Variants in MYH10 observed in about 807,000 individuals in gnomAD.
The protein encoded by MYH10 is myosin heavy chain 10.
In MYH10, 55 loss-of-function variants were observed where a neutral mutation model predicts 257.8. The ratio of observed to expected loss-of-function variants is 0.21; its 90% CI spans 0.17 to 0.27. The LOEUF (loss-of-function observed/expected upper bound fraction) is 0.27. MYH10 is among the 10% of genes least tolerant of loss of function. The probability of loss-of-function intolerance (pLI) is 1.00; values close to 1 mark genes in which losing one functional copy is unlikely to be tolerated. For synonymous variants in MYH10, 854 were observed against 921.7 expected, an observed-to-expected ratio of 0.93 and a Z score of 1.33; for missense variants, 1,631 against 2,500.6, an observed-to-expected ratio of 0.65 and a Z score of 7.42.
At chr17:8,525,276 T>C (rs2081804439) in intron 17 of MYH10, among the ~76,000 whole-genome samples, 1 of 152,210 alleles carries the variant, frequency 6.6e-6, no homozygotes, top group African/African-American at 2.4e-5. Flanking sequence ...CACTCCCTTC[T>C]CTAGGCTTCA....
chr17:8,603,666 C>G (rs2084692264), intron 3 of MYH10, among the ~76,000 whole-genome samples: 1 of 152,248 alleles, frequency 6.6e-6, no homozygotes, highest in South Asian at 2.1e-4. Context: ...TTAACAGAGA[C>G]AGAACCAAAA....
chr17:8,527,535 T>C (rs1307180944), intron 17 of MYH10, among the ~76,000 whole-genome samples: 1 of 152,182 alleles, frequency 6.6e-6, no homozygotes. Flanking sequence ...CTATCAGCTG[T>C]ACCTTGGGAC....
chr17:8,518,104 CGTGTGTGTGTGTGTGTGTGTGTGT>C (rs58352961), intron 21 of MYH10, among the ~76,000 whole-genome samples: 1 of 116,516 alleles, frequency 8.6e-6, no homozygotes, highest in Non-Finnish European at 1.7e-5. Context: ...CCCTTGGCCC[CGTGTGTGTGTGTGTGTGTGTGTGT>C]GTGTGTGTGT....
At chr17:8,559,043 C>T (rs2082899338) in intron 7 of MYH10, among the ~76,000 whole-genome samples, 2 of 152,128 alleles carry the variant, frequency 1.3e-5, no homozygotes, top group South Asian at 2.1e-4. Flanking sequence ...GAAAATCTTC[C>T]TACAGAATGA....
intron 4 of MYH10, among the ~76,000 whole-genome samples, chr17:8,578,603 T>C (rs1467157771): frequency 6.6e-6 from 1 of 152,202 alleles, no homozygotes; most frequent in Non-Finnish European, 1.5e-5. Context: ...TTGTTGTGAA[T>C]GAGGACAAAT....
At position 8,552,325 on chromosome 17, in the gene MYH10, G is replaced by A. The variant is rs933487171; in HGVS notation, c.821-181C>T. On this transcript the variant is annotated intron_variant, in intron 8 of 42. Coordinates refer to ENST00000360416, the MANE Select transcript of MYH10 (RefSeq NM_001256012.3). The surrounding 1 kb of genome is among the most constrained non-coding windows in gnomAD (Gnocchi z 4.8). The stretch of plus-strand genomic sequence containing the variant: ...CCATCTGTGAAAAAAGAAAATAGGT[G>A]CAACTTACGTTCCTCACTGATCTTC... Among the ~76,000 whole-genome samples the A allele has an allele frequency of 2.0e-5, 3 of 152,132 alleles. No homozygotes were observed. Among genetic ancestry groups the A allele is most frequent in the African/African-American group, 7.2e-5 (3 of 41,418 alleles).
chr17:8,493,961 A>G, intron 31 of MYH10, 76 bp from the exon 32 acceptor site: 2 of 1,489,476 alleles, frequency 1.3e-6, no homozygotes, highest in East Asian at 2.3e-5. Flanking sequence ...TAAAGAATTC[A>G]TGTCGTACAA....
intron 1 of MYH10, among the ~76,000 whole-genome samples, chr17:8,630,047 C>A (rs1255397598): frequency 2.6e-5 from 4 of 152,022 alleles, no homozygotes; most frequent in Admixed American, 1.3e-4. Flanking sequence ...ATGGTGAACC[C>A]CTCTGGTGCT....
chr17:8,480,112 G>C lies in MYH10; in HGVS notation c.5595C>G (p.Ala1865=). 1 of 1,613,964 alleles carries C rather than the reference G, an allele frequency of 6.2e-7. No individual in the cohort carries two copies. Among genetic ancestry groups the C allele is most frequent in the Non-Finnish European group, 8.5e-7 (1 of 1,179,942 alleles). Residue 1865 remains alanine (A), a splice_region_variant and synonymous_variant, in exon 40 of 43, where the codon GCC becomes GCG. Coordinates refer to ENST00000360416, the MANE Select transcript of MYH10 (RefSeq NM_001256012.3). ...TTACGGTAGCAAAAACCTCTTACTT[G>C]GCTTCCTGCTCAAGCTGCTCCTCCA... ...GQLEEQLEQE[A]KERAAANKLV...
In MYH10 at chr17:8,545,200, A is replaced by G. The variant is rs1252998669; in HGVS notation, c.1431+248T>C. Among the ~76,000 whole-genome samples the G allele has an allele frequency of 1.3e-5, 2 of 152,224 alleles. No individual in the cohort carries two copies. Among genetic ancestry groups the G allele is most frequent in the Non-Finnish European group, 2.9e-5 (2 of 68,030 alleles). On this transcript the variant is annotated intron_variant, in intron 13 of 42. Coordinates refer to ENST00000360416, the MANE Select transcript of MYH10 (RefSeq NM_001256012.3). The surrounding 1 kb of genome is among the most constrained non-coding windows in gnomAD (Gnocchi z 4.7). ...CTTCAAGTAAGCCTAACTGTTGCCAATGCAGAAGCAACCTTCCCTGAACAG... is the reference window on the plus strand; with the variant it reads ...CTTCAAGTAAGCCTAACTGTTGCCAGTGCAGAAGCAACCTTCCCTGAACAG...
chr17:8,598,710 C>CTT lies in MYH10; in HGVS notation c.502+6114_502+6115dup, dbSNP rs11442242. 1.9e-3 allele frequency among the ~76,000 whole-genome samples: 275 copies of CTT among 142,776 alleles called. 1 individual carries two copies. Among genetic ancestry groups the CTT allele is most frequent in the Middle Eastern group, 3.7e-3 (1 of 272 alleles). The allele number at this position is 142,776 out of a possible 152,430, so 93.7% of individuals were successfully genotyped here. A position where few individuals can be genotyped will look rare whatever the true frequency, so the allele number is the denominator to read the frequency against. ...AATTTTTATATGTAGCATTTTGTAC[C>CTT]TTTTTTTTTTTTTTGAGACGGGGTC... On this transcript the variant is annotated intron_variant, in intron 3 of 42. Transcript: ENST00000360416.
rs746846611 is a variant in MYH10 at position 8,490,596 on chromosome 17, C to T, written c.4672-44G>A. 1.3e-6 allele frequency: 2 copies of T among 1,583,726 alleles called. No homozygotes were observed. The highest frequency in any genetic ancestry group is 1.3e-5 in the African/African-American group (1 of 74,274). ...AGGAAAGAGTTGACCGGGGTGGAGG[C>T]ACATATGAAGAACAGCAGTCTTACT... On this transcript the variant is annotated intron_variant, in intron 34 of 42. Transcript: ENST00000360416. This position sits in a 1 kb window ranked among gnomAD's most constrained non-coding sequence, Gnocchi z 4.1.
At chr17:8,530,086 T>G (rs1247444822) in intron 17 of MYH10, among the ~76,000 whole-genome samples, 1 of 152,196 alleles carries the variant, frequency 6.6e-6, no homozygotes, top group South Asian at 2.1e-4. Context: ...AGTAGCCAGA[T>G]AGGCACACAA....
Position 8,545,409 on chromosome 17 carries a change from A to T in MYH10, c.1431+39T>A, listed in dbSNP as rs1282059516. ...CTTCATATTTGTTAAAAGAACAAAC[A>T]AAAAGAAGGACGAGCTAGAGGAAGA... On this transcript the variant is annotated intron_variant, in intron 13 of 42. Coordinates refer to ENST00000360416, the MANE Select transcript of MYH10 (RefSeq NM_001256012.3). This position sits in a 1 kb window ranked among gnomAD's most constrained non-coding sequence, Gnocchi z 4.7. 1 of 1,606,542 alleles carries T rather than the reference A, an allele frequency of 6.2e-7. No individual in the cohort carries two copies. Among genetic ancestry groups the T allele is most frequent in the African/African-American group, 1.3e-5 (1 of 74,384 alleles).
chr17:8,477,379 T>G lies in MYH10; in HGVS notation c.5707-331A>C, dbSNP rs1912858138. On this transcript the variant is annotated intron_variant, in intron 41 of 42. Coordinates refer to ENST00000360416, the MANE Select transcript of MYH10 (RefSeq NM_001256012.3). The surrounding 1 kb of genome is among the most constrained non-coding windows in gnomAD (Gnocchi z 4.2). ...GGGACTGAAAGGGAATTGCTATTCT[T>G]GCAAAACGTGGAAGAACCAGCAATG... is the stretch of plus-strand genomic sequence containing the variant. Among the ~76,000 whole-genome samples, 1 of 152,122 alleles carries G rather than the reference T, an allele frequency of 6.6e-6. No individual in the cohort carries two copies. The highest frequency in any genetic ancestry group is 2.1e-4 in the South Asian group (1 of 4,826).
chr17:8,584,952 T>A (rs1204241462), intron 4 of MYH10, among the ~76,000 whole-genome samples: 2 of 152,120 alleles, frequency 1.3e-5, no homozygotes, highest in Non-Finnish European at 2.9e-5. Flanking sequence ...CAAGCAATTC[T>A]TCTGCTTCAG....
chr17:8,627,532 T>C (rs1461860708), intron 1 of MYH10, among the ~76,000 whole-genome samples: 1 of 152,236 alleles, frequency 6.6e-6, no homozygotes, highest in African/African-American at 2.4e-5. Flanking sequence ...ACCAGAGGGC[T>C]TTGCAGCTGT....
At chr17:8,625,246 G>A (rs528568908) in intron 1 of MYH10, among the ~76,000 whole-genome samples, 36 of 152,236 alleles carry the variant, frequency 2.4e-4, no homozygotes, top group Non-Finnish European at 3.8e-4. Flanking sequence ...GCAAGACTCC[G>A]TCTCAAAAAC....
chr17:8,500,576 G>A (rs1393615900), intron 29 of MYH10, among the ~76,000 whole-genome samples: 1 of 152,202 alleles, frequency 6.6e-6, no homozygotes, highest in East Asian at 1.9e-4. Flanking sequence ...AAGAGACACT[G>A]GGGAGGACTG....
Sources: gnomAD v4.1 joint callset for allele counts (sites outside exome capture counted in the v4.1 genomes callset) on GRCh38, gnomAD v4.1.1 for gene constraint, Gnocchi (gnomAD v3.1) non-coding constraint, MANE v1.5 for transcripts, NCBI Gene and HGNC (gene_info 2026-07-23, HGNC 2026-07-21) for gene names.